Variants in MFHAS1 observed in about 807,000 individuals in gnomAD.
MFHAS1 encodes the protein multifunctional ROCO family signaling regulator 1, also known as malignant fibrous histiocytoma-amplified sequence 1.
A neutral mutation model predicts 70.4 loss-of-function variants in MFHAS1; 50 were observed. The observed-to-expected ratio is 0.71, with a 90% CI of 0.57 to 0.90. The LOEUF is 0.90. Ranked by LOEUF, MFHAS1 falls within the 40% of genes least tolerant of loss-of-function variation. MFHAS1 has a pLI of 0.00. For synonymous variants in MFHAS1, 952 were observed against 620.0 expected (o/e 1.54, Z -7.96); for missense variants, 1,795 against 1,347.6 (o/e 1.33, Z -5.20).
Position 8,891,577 on chromosome 8 carries a change from T to C in MFHAS1, c.1482A>G (p.Pro494=). 1.9e-6 allele frequency: 3 copies of C among 1,613,250 alleles called. No homozygotes were observed. Among genetic ancestry groups the C allele is most frequent in the Non-Finnish European group, 2.5e-6 (3 of 1,180,018 alleles). The change falls in exon 1 of 3, where the codon CCA becomes CCG. Residue 494 remains proline (P), a synonymous_variant. Coordinates refer to ENST00000276282, the MANE Select transcript of MFHAS1 (RefSeq NM_004225.3). The surrounding 1 kb of genome is among the most constrained non-coding windows in gnomAD (Gnocchi z 5.4). ...TGACCACCAGCACGTATAGGGCCCC[T>C]GGGGACAGGAAGAAGGGCTGGATCA... is the stretch of plus-strand genomic sequence containing the variant. ...YEVIQPFFLS[P]GALYVLVVNL...
intron 1 of MFHAS1, among the ~76,000 whole-genome samples, chr8:8,823,867 G>T (rs1227415052): frequency 7.5e-6 from 1 of 133,214 alleles, no homozygotes; most frequent in Non-Finnish European, 1.6e-5. Flanking sequence ...GCGCTTCAAA[G>T]ATCTTAGCCA....
intron 1 of MFHAS1, among the ~76,000 whole-genome samples, chr8:8,820,835 T>G (rs1334435464): frequency 6.6e-6 from 1 of 152,236 alleles, no homozygotes; most frequent in Non-Finnish European, 1.5e-5. Flanking sequence ...AAAGCTGTGC[T>G]GCCATTTGCA....
intron 1 of MFHAS1, among the ~76,000 whole-genome samples, chr8:8,801,162 C>T (rs1327698394): frequency 6.6e-6 from 1 of 151,770 alleles, no homozygotes; most frequent in African/African-American, 2.4e-5. Context: ...TTGCAGTGAC[C>T]CAAGATTGAG....
chr8:8,832,148 T>C (rs1033993088), intron 1 of MFHAS1, among the ~76,000 whole-genome samples: 4 of 144,482 alleles, frequency 2.8e-5, no homozygotes, highest in Admixed American at 7.1e-5. Context: ...AATCACAAAC[T>C]TCTAGGTGAA....
chr8:8,883,746 G>A (rs1809627694), intron 1 of MFHAS1, among the ~76,000 whole-genome samples: 1 of 147,026 alleles, frequency 6.8e-6, no homozygotes, highest in African/African-American at 2.6e-5. Flanking sequence ...GGGCTCCCAT[G>A]GATAGAAGCA....
intron 1 of MFHAS1, among the ~76,000 whole-genome samples, chr8:8,888,517 AACACACAC>A (rs113065905): frequency 5.3e-5 from 8 of 150,448 alleles, no homozygotes; most frequent in African/African-American, 1.5e-4. Context: ...CAAAAAACAA[AACACACAC>A]ACACACACAC....
At chr8:8,816,388 G>C (rs2117293572) in intron 1 of MFHAS1, among the ~76,000 whole-genome samples, 1 of 152,248 alleles carries the variant, frequency 6.6e-6, no homozygotes, top group East Asian at 1.9e-4. Flanking sequence ...ATCAATTGGG[G>C]TTATGGCATG....
intron 1 of MFHAS1, among the ~76,000 whole-genome samples, chr8:8,829,415 C>T (rs543501613): frequency 2.4e-4 from 36 of 152,276 alleles, no homozygotes; most frequent in Non-Finnish European, 4.3e-4. Context: ...GCGCCATGGC[C>T]CATGCCTGTA....
chr8:8,835,260 AT>A (rs1257574498), intron 1 of MFHAS1, among the ~76,000 whole-genome samples: 5 of 152,206 alleles, frequency 3.3e-5, no homozygotes, highest in African/African-American at 7.2e-5. Flanking sequence ...ACTTAAAAAA[AT>A]AGGTGCATTT....
At chr8:8,860,451 T>C (rs1808618574) in intron 1 of MFHAS1, among the ~76,000 whole-genome samples, 1 of 152,234 alleles carries the variant, frequency 6.6e-6, no homozygotes, top group Non-Finnish European at 1.5e-5. Flanking sequence ...CTTTCCATTT[T>C]GCTGGCATGC....
At chr8:8,814,309 G>A (rs914522335) in intron 1 of MFHAS1, among the ~76,000 whole-genome samples, 3 of 152,056 alleles carry the variant, frequency 2.0e-5, no homozygotes, top group South Asian at 2.1e-4. Flanking sequence ...ACTTACCATC[G>A]TTGTTACAAT....
chr8:8,852,531 C>A (rs1412566589), intron 1 of MFHAS1, among the ~76,000 whole-genome samples: 3 of 152,022 alleles, frequency 2.0e-5, no homozygotes, highest in African/African-American at 7.2e-5. Flanking sequence ...GGGTTTAGAC[C>A]TGGTGCCTGC....
At chr8:8,838,743 C>G (rs1807697070) in intron 1 of MFHAS1, among the ~76,000 whole-genome samples, 2 of 149,250 alleles carry the variant, frequency 1.3e-5, no homozygotes, top group African/African-American at 2.5e-5. Flanking sequence ...AACTGGGAGG[C>G]AGAGGTTGTA....
At chr8:8,879,925 G>A (rs1237960113) in intron 1 of MFHAS1, among the ~76,000 whole-genome samples, 2 of 152,144 alleles carry the variant, frequency 1.3e-5, no homozygotes, top group South Asian at 4.1e-4. Context: ...ATTAGGTCTT[G>A]CCAGTCATTC....
At chr8:8,888,226 G>T (rs1175944341) in intron 1 of MFHAS1, among the ~76,000 whole-genome samples, 1 of 152,118 alleles carries the variant, frequency 6.6e-6, no homozygotes. Context: ...CTTTTTTCAT[G>T]CTTAAGAATT....
At chr8:8,795,125 A>G (rs1350490343) in intron 2 of MFHAS1, among the ~76,000 whole-genome samples, 1 of 152,198 alleles carries the variant, frequency 6.6e-6, no homozygotes, top group African/African-American at 2.4e-5. Flanking sequence ...AATGCAAAGT[A>G]TATTGAATTT....
intron 1 of MFHAS1, among the ~76,000 whole-genome samples, chr8:8,834,436 G>A (rs1170055940): frequency 2.6e-5 from 4 of 152,106 alleles, no homozygotes; most frequent in Non-Finnish European, 4.4e-5. Flanking sequence ...CTCCATTCAC[G>A]AGACGTGCCC....
intron 1 of MFHAS1, among the ~76,000 whole-genome samples, chr8:8,812,143 T>C (rs1173408703): frequency 6.8e-6 from 1 of 147,918 alleles, no homozygotes; most frequent in Non-Finnish European, 1.5e-5. Flanking sequence ...TTTTCTCAAT[T>C]TTGAGGATTA....
intron 1 of MFHAS1, among the ~76,000 whole-genome samples, chr8:8,841,845 C>T (rs750985130): frequency 3.3e-5 from 5 of 152,210 alleles, no homozygotes; most frequent in Non-Finnish European, 5.9e-5. Flanking sequence ...CCTTATGTTG[C>T]TGCAGAATTT....
Sources: allele counts gnomAD v4.1 joint callset (sites outside exome capture counted in the v4.1 genomes callset), GRCh38; gene constraint gnomAD v4.1.1; non-coding constraint Gnocchi (gnomAD v3.1); transcripts MANE v1.5; gene names NCBI Gene and HGNC (gene_info 2026-07-23, HGNC 2026-07-21).